CCDC171: variants seen among roughly 807,000 people sequenced by gnomAD.
The protein encoded by CCDC171 is coiled-coil domain-containing protein 171.
CCDC171 carries 177 observed loss-of-function variants against 168.2 expected under a neutral mutation model. That is an observed-to-expected ratio of 1.05 (90% CI 0.93 to 1.19). The LOEUF (loss-of-function observed/expected upper bound fraction) is 1.19. CCDC171 is among the 50% of genes most tolerant of loss of function. CCDC171 has a pLI of 0.00. For missense variants in CCDC171, 1,991 were observed against 1,539.0 expected, an observed-to-expected ratio of 1.29 and a Z score of -4.91; for synonymous variants, 687 against 540.8, an observed-to-expected ratio of 1.27 and a Z score of -3.75.
At chr9:15,771,462 A>G (rs1588406813) in intron 18 of CCDC171, among the ~76,000 whole-genome samples, 1 of 152,146 alleles carries the variant, frequency 6.6e-6, no homozygotes, top group South Asian at 2.1e-4. Flanking sequence ...TTCATTTGTT[A>G]TAAGCCCATT....
chr9:15,886,407 A>C (rs1819402596), intron 24 of CCDC171: 1 of 152,212 alleles, frequency 6.6e-6, no homozygotes, highest in Admixed American at 6.5e-5. Flanking sequence ...AATCAAAACC[A>C]CAATGAGATA....
chr9:15,787,244 A>G (rs2058011962), intron 21 of CCDC171, among the ~76,000 whole-genome samples: 1 of 150,948 alleles, frequency 6.6e-6, no homozygotes, highest in African/African-American at 2.4e-5. Context: ...GTGATAATCC[A>G]CTTTTTTTTT....
At chr9:15,851,627 T>G (rs1423222573) in intron 23 of CCDC171, among the ~76,000 whole-genome samples, 2 of 152,038 alleles carry the variant, frequency 1.3e-5, no homozygotes, top group African/African-American at 4.8e-5. Context: ...TTAACCATTT[T>G]AAAGTGCACA....
the CCDC171 span, among the ~76,000 whole-genome samples, chr9:16,086,813 A>G: frequency 6.6e-6 from 1 of 152,058 alleles, no homozygotes; most frequent in African/African-American, 2.4e-5. Context: ...TTAGGGTTTT[A>G]GATCTTTCTA....
At chr9:15,591,932 A>G (rs1175235868) in intron 5 of CCDC171, among the ~76,000 whole-genome samples, 1 of 152,126 alleles carries the variant, frequency 6.6e-6, no homozygotes, top group Admixed American at 6.5e-5. Context: ...AAATATTTGT[A>G]TGTTTGATAT....
At chr9:15,619,164 C>T (rs1157210644) in intron 6 of CCDC171, among the ~76,000 whole-genome samples, 4 of 152,202 alleles carry the variant, frequency 2.6e-5, no homozygotes, top group East Asian at 1.9e-4. Context: ...GAAATGAGGC[C>T]AGTTAACTCT....
chr9:15,775,790 G>A (rs2057292032), intron 18 of CCDC171, among the ~76,000 whole-genome samples: 2 of 152,084 alleles, frequency 1.3e-5, no homozygotes, highest in African/African-American at 4.8e-5. Context: ...TAGTATTCTT[G>A]TGTTCAGCAT....
chr9:16,048,937 A>T (rs1586860543), intron 1 of CCDC171, among the ~76,000 whole-genome samples: 1 of 134,906 alleles, frequency 7.4e-6, no homozygotes, highest in East Asian at 2.3e-4. Flanking sequence ...TGCCAATCAT[A>T]ATATAGAAAG....
chr9:15,801,379 T>C (rs2058812484), intron 21 of CCDC171, among the ~76,000 whole-genome samples: 1 of 152,088 alleles, frequency 6.6e-6, no homozygotes, highest in Non-Finnish European at 1.5e-5. Flanking sequence ...ATGGCTATGG[T>C]AAATGGGATT....
At position 15,729,722 on chromosome 9, in the gene CCDC171, G is replaced by T. The variant is rs755873646; in HGVS notation, c.1973G>T (p.Ser658Ile). The T allele has an allele frequency of 3.1e-6, 5 of 1,613,504 alleles. No individual in the cohort carries two copies. Among genetic ancestry groups the T allele is most frequent in the Non-Finnish European group, 4.2e-6 (5 of 1,179,576 alleles). The change falls in exon 16 of 26, where the codon AGC becomes ATC. Residue 658 changes from serine to isoleucine, a missense_variant. Ser to Ile is a moderately radical substitution (Grantham distance 142, BLOSUM62 -2). Transcript: ENST00000380701. Reference sequence around the variant, plus strand: ...GCAGAACAGATCAAAGCCCAAGAGAGCTGCTGGCACAGACAAAAGAAGGAA... The same window carrying T: ...GCAGAACAGATCAAAGCCCAAGAGATCTGCTGGCACAGACAAAAGAAGGAA... ...KVAEQIKAQE[S>I]CWHRQKKELE...
Position 15,590,011 on chromosome 9 carries a change from A to G in CCDC171, c.353-1355A>G, listed in dbSNP as rs2131425595. 2.6e-5 allele frequency among the ~76,000 whole-genome samples: 4 copies of G among 152,364 alleles called. No individual in the cohort carries two copies. In the South Asian group the frequency reaches 8.3e-4, roughly 32 times the overall value. On this transcript the variant is annotated intron_variant, in intron 4 of 25. Transcript: ENST00000380701. ...ATTGAATATTTACCGTTATGGAAAG[A>G]AGTAGACCTACTGCAGGCATAGCAT...
intron 25 of CCDC171, among the ~76,000 whole-genome samples, chr9:15,959,254 C>A (rs1163411499): frequency 1.3e-5 from 2 of 152,130 alleles, no homozygotes; most frequent in South Asian, 4.1e-4. Flanking sequence ...TACGATGTGG[C>A]CTTTCCATCC....
chr9:16,057,360 A>C (rs1169997362), intron 1 of CCDC171, among the ~76,000 whole-genome samples: 2 of 152,376 alleles, frequency 1.3e-5, no homozygotes, highest in East Asian at 3.9e-4. Flanking sequence ...GATAAACGGT[A>C]GTGGGAAGGG....
intron 21 of CCDC171, among the ~76,000 whole-genome samples, chr9:15,830,940 C>G (rs1285328947): frequency 6.8e-6 from 1 of 146,748 alleles, no homozygotes; most frequent in East Asian, 2.0e-4. Context: ...TTGGCTTTTT[C>G]TACCTCTTTT....
At chr9:16,100,111 T>G in the CCDC171 span, among the ~76,000 whole-genome samples, 1 of 152,136 alleles carries the variant, frequency 6.6e-6, no homozygotes, top group African/African-American at 2.4e-5. Flanking sequence ...ATGGGGGCAT[T>G]GTCTGAACTC....
intron 7 of CCDC171, among the ~76,000 whole-genome samples, chr9:15,647,317 C>G (rs575209410): frequency 2.5e-4 from 38 of 152,214 alleles, no homozygotes; most frequent in South Asian, 8.3e-4. Context: ...CTAAAATCAA[C>G]ACCCTAACAT....
At chr9:16,057,012 C>T (rs1457500858) in intron 1 of CCDC171, among the ~76,000 whole-genome samples, 7 of 152,088 alleles carry the variant, frequency 4.6e-5, no homozygotes, top group East Asian at 1.9e-4. Context: ...CAATAAAAAG[C>T]GATCCAGCAT....
the CCDC171 span, among the ~76,000 whole-genome samples, chr9:16,078,813 T>C: frequency 6.6e-6 from 1 of 152,106 alleles, no homozygotes; most frequent in Non-Finnish European, 1.5e-5. Context: ...GAGATGAAGG[T>C]GGAAAAAGTC....
At chr9:15,587,788 C>T (rs2041679650) in intron 4 of CCDC171, 1 of 297,792 alleles carries the variant, frequency 3.4e-6, no homozygotes, top group Non-Finnish European at 7.0e-6. Flanking sequence ...TGAGGAAACC[C>T]TTTAAAATGG....
Sources: allele counts gnomAD v4.1 joint callset (sites outside exome capture counted in the v4.1 genomes callset), GRCh38; gene constraint gnomAD v4.1.1; transcripts MANE v1.5; gene names NCBI Gene and HGNC (gene_info 2026-07-23, HGNC 2026-07-21).